Variants in MFSD1 observed in about 807,000 individuals in gnomAD.
MFSD1 encodes major facilitator superfamily domain containing 1, also known as lysosomal dipeptide transporter MFSD1.
In MFSD1, 59 loss-of-function variants were observed where a neutral mutation model predicts 67.1. The observed-to-expected ratio is 0.88, with a 90% CI of 0.71 to 1.09. The LOEUF (loss-of-function observed/expected upper bound fraction) is 1.09. Ranked by LOEUF, MFSD1 falls within the 50% of genes least tolerant of loss-of-function variation. The pLI is 0.00. For missense variants in MFSD1, 552 were observed against 566.1 expected, an observed-to-expected ratio of 0.97 and a Z score of 0.25; for synonymous variants, 213 against 200.3, an observed-to-expected ratio of 1.06 and a Z score of -0.54.
intron 6 of MFSD1, among the ~76,000 whole-genome samples, chr3:158,812,652 CT>C (rs1438616374): frequency 6.6e-6 from 1 of 152,218 alleles, no homozygotes; most frequent in African/African-American, 2.4e-5. Context: ...GGTGCCTTTG[CT>C]TTTGCCTTGT....
At chr3:158,827,417 G>A in intron 15 of MFSD1, 80 bp downstream of exon 15, 1 of 686,136 alleles carries the variant, frequency 1.5e-6, no homozygotes, top group Non-Finnish European at 2.2e-6. Context: ...TTTGGGCTTT[G>A]AAGTTTTTTT....
rs1463677161 is a variant in MFSD1, at chr3:158,807,456, G to A, written c.433G>A (p.Val145Ile). ...AFWLMEFGRF[V>I]FGIGGESLAV... ...TTGGCTGATGGAATTTGGAAGATTT[G>A]TATTTGGGTAAGTTATGCATAATTT... is the stretch of plus-strand genomic sequence containing the variant. Residue 145 changes from valine to isoleucine, a missense_variant, in exon 5 of 16, where the codon GTA (valine) becomes ATA (isoleucine). Coordinates refer to ENST00000415822, the MANE Select transcript of MFSD1 (RefSeq NM_022736.4). The A allele has an allele frequency of 6.2e-6, 10 of 1,610,234 alleles. No individual in the cohort carries two copies. Among genetic ancestry groups the A allele is most frequent in the Non-Finnish European group, 8.5e-6 (10 of 1,176,850 alleles).
intron 6 of MFSD1, among the ~76,000 whole-genome samples, chr3:158,810,851 A>G (rs929564350): frequency 2.6e-5 from 4 of 152,228 alleles, no homozygotes; most frequent in African/African-American, 9.6e-5. Context: ...GTGGTTTTCC[A>G]TATTTTCTAA....
intron 6 of MFSD1, among the ~76,000 whole-genome samples, chr3:158,813,730 TA>T (rs1027565928): frequency 9.2e-5 from 14 of 151,972 alleles, no homozygotes; most frequent in Non-Finnish European, 1.5e-4. Context: ...TGTATTATGT[TA>T]TTTTTTTATA....
chr3:158,812,919 G>A (rs1228919332), intron 6 of MFSD1, among the ~76,000 whole-genome samples: 1 of 152,020 alleles, frequency 6.6e-6, no homozygotes, highest in Non-Finnish European at 1.5e-5. Flanking sequence ...CTGTGCAGTG[G>A]CTGTTCCTTC....
intron 7 of MFSD1, among the ~76,000 whole-genome samples, chr3:158,817,115 A>G (rs1052727231): frequency 6.6e-6 from 1 of 152,208 alleles, no homozygotes; most frequent in East Asian, 1.9e-4. Flanking sequence ...AATAAGAGCT[A>G]TCTATAGCAA....
At chr3:158,808,967 C>T (rs1729863963) in intron 5 of MFSD1, 2 of 435,162 alleles carry the variant, frequency 4.6e-6, no homozygotes, top group East Asian at 6.8e-5. Context: ...GTGATGTCAC[C>T]TTTTATAACT....
chr3:158,810,302 A>G (rs1729935629), intron 6 of MFSD1, among the ~76,000 whole-genome samples: 1 of 152,180 alleles, frequency 6.6e-6, no homozygotes, highest in Non-Finnish European at 1.5e-5. Flanking sequence ...TCCCATGAAT[A>G]GAGTATTAAA....
At chr3:158,815,053 G>C (rs1730251598) in intron 7 of MFSD1, among the ~76,000 whole-genome samples, 1 of 152,200 alleles carries the variant, frequency 6.6e-6, no homozygotes, top group Non-Finnish European at 1.5e-5. Context: ...TTGCACTCCA[G>C]CCTGGACGGC....
At position 158,826,095 on chromosome 3, in the gene MFSD1, C is replaced by T. The variant is rs144238873; in HGVS notation, c.1336+33C>T. The T allele has an allele frequency of 3.4e-4, 539 of 1,590,608 alleles. 3 individuals are homozygous for T. The East Asian group carries it at 0.01, about 30-fold the overall frequency. The stretch of plus-strand genomic sequence containing the variant: ...GAAGATCTGATATTTGCTTCTTAAA[C>T]CGCAGTGGATCATCTTGTGGGGTCT... On this transcript the variant is annotated intron_variant, in intron 14 of 15. Coordinates refer to ENST00000415822, the MANE Select transcript of MFSD1 (RefSeq NM_022736.4).
intron 1 of MFSD1, among the ~76,000 whole-genome samples, chr3:158,803,763 A>T (rs1729575035): frequency 6.6e-6 from 1 of 152,088 alleles, no homozygotes; most frequent in Non-Finnish European, 1.5e-5. Context: ...CCCCAAAGAC[A>T]TGTTTTAATT....
At chr3:158,806,525 A>G (rs780419479) in intron 3 of MFSD1, among the ~76,000 whole-genome samples, 5 of 152,206 alleles carry the variant, frequency 3.3e-5, no homozygotes, top group African/African-American at 4.8e-5. Flanking sequence ...CTAGGGCAAC[A>G]TTAATCTGAT....
intron 4 of MFSD1, 139 bp downstream of exon 4, chr3:158,807,221 C>T (rs1729775113): frequency 1.1e-6 from 1 of 952,372 alleles, no homozygotes; most frequent in South Asian, 1.5e-5. Context: ...TGATATAATC[C>T]ATAGTCTATT....
In MFSD1 at chr3:158,807,385, C is replaced by T; in HGVS notation, c.373-11C>T. ...TTTTTCATTAATTTGACATGAACTT[C>T]TACATTATAGGTTGTTTTTGCCCTG... On this transcript the variant is annotated splice_polypyrimidine_tract_variant and intron_variant, in intron 4 of 15. Coordinates refer to ENST00000415822, the MANE Select transcript of MFSD1 (RefSeq NM_022736.4). 6.2e-7 allele frequency: 1 copy of T among 1,607,102 alleles called. No homozygotes were observed. The highest frequency in any genetic ancestry group is 8.5e-7 in the Non-Finnish European group (1 of 1,174,820).
chr3:158,823,266 C>A, intron 11 of MFSD1, 162 bp from the exon 12 acceptor site: 1 of 618,644 alleles, frequency 1.6e-6, no homozygotes, highest in Non-Finnish European at 2.9e-6. Context: ...AGGGCAGAGA[C>A]TTGTTTTGTA....
chr3:158,824,727 C>T (rs1730867803), intron 13 of MFSD1, among the ~76,000 whole-genome samples: 1 of 152,148 alleles, frequency 6.6e-6, no homozygotes, highest in Non-Finnish European at 1.5e-5. Flanking sequence ...CTTTACCCTA[C>T]ATATAAATTG....
At position 158,822,003 on chromosome 3, in the gene MFSD1, G is replaced by A. The variant is rs1489967370; in HGVS notation, c.940G>A (p.Ala314Thr). 27 of 1,613,604 alleles carry A rather than the reference G, an allele frequency of 1.7e-5. No individual in the cohort carries two copies. The Admixed American group carries it at 4.5e-4, about 27-fold the overall frequency. Residue 314 changes from alanine (A) to threonine (T), a missense_variant, in exon 11 of 16, where the codon GCT (alanine) becomes ACT (threonine). By Grantham distance (58) the Ala-to-Thr change is moderately conservative (BLOSUM62 0). Coordinates refer to ENST00000415822, the MANE Select transcript of MFSD1 (RefSeq NM_022736.4). The stretch of plus-strand genomic sequence containing the variant: ...GGGCAGTGTTGTATATGTCATATCA[G>A]CTCCCATGTCCCCGGTGTTTGGGCT... ...AINSVVYVISAPMSPVFGLLV... is the reference protein window; with the variant it reads ...AINSVVYVISTPMSPVFGLLV...
chr3:158,802,427 C>G (rs1436621910), intron 1 of MFSD1, 112 bp downstream of exon 1: 1 of 1,225,898 alleles, frequency 8.2e-7, no homozygotes, highest in South Asian at 1.3e-5. Flanking sequence ...CAGCTTCTGT[C>G]TTAAGCTCCT....
At chr3:158,827,970 G>GAC (rs1731092603) in intron 15 of MFSD1, among the ~76,000 whole-genome samples, 40 of 127,964 alleles carry the variant, frequency 3.1e-4, no homozygotes, top group African/African-American at 9.5e-4. Flanking sequence ...GAGAGAGAGA[G>GAC]AGAGAGAGAC....
Sources: gnomAD v4.1 joint callset for allele counts (sites outside exome capture counted in the v4.1 genomes callset) on GRCh38, gnomAD v4.1.1 for gene constraint, MANE v1.5 for transcripts, NCBI Gene and HGNC (gene_info 2026-07-23, HGNC 2026-07-21) for gene names.